GULP1: variants seen among roughly 807,000 people sequenced by gnomAD.
GULP1 encodes the protein GULP PTB domain containing engulfment adaptor 1.
GULP1 carries 19 observed loss-of-function variants against 40.9 expected under a neutral mutation model. That is an observed-to-expected ratio of 0.46 (90% CI 0.32 to 0.68). The LOEUF is 0.68. GULP1 is among the 30% of genes least tolerant of loss of function. The pLI, the probability that GULP1 is intolerant of heterozygous loss-of-function variation, is 0.03. For missense variants in GULP1, 312 were observed against 362.2 expected, an observed-to-expected ratio of 0.86 and a Z score of 1.12; for synonymous variants, 119 against 117.6, an observed-to-expected ratio of 1.01 and a Z score of -0.08.
chr2:188,295,222 A>G (rs1054792343), intron 1 of GULP1, among the ~76,000 whole-genome samples: 1 of 152,200 alleles, frequency 6.6e-6, no homozygotes, highest in African/African-American at 2.4e-5. Context: ...GCTGAAATAT[A>G]TTTATGACAT....
chr2:188,319,739 C>T (rs1574382855), intron 1 of GULP1, among the ~76,000 whole-genome samples: 1 of 152,100 alleles, frequency 6.6e-6, no homozygotes, highest in Non-Finnish European at 1.5e-5. Flanking sequence ...AGCATGACCC[C>T]ATATTGCATT....
At chr2:188,347,010 G>T (rs965988016) in intron 1 of GULP1, among the ~76,000 whole-genome samples, 1 of 151,614 alleles carries the variant, frequency 6.6e-6, no homozygotes, top group Non-Finnish European at 1.5e-5. Flanking sequence ...AGAGTGCATT[G>T]TTCTTTACAG....
At position 188,496,094 on chromosome 2, in the gene GULP1, A is replaced by G. The variant is rs551327632; in HGVS notation, c.90+12602A>G. Among the ~76,000 whole-genome samples, 4 of 152,166 alleles carry G rather than the reference A, an allele frequency of 2.6e-5. No homozygotes were observed. In the South Asian group the frequency reaches 6.2e-4, roughly 24 times the overall value. ...ACCCACTAATGATGATAAGCATGGC[A>G]GCAATGGCTAATTGCTTCCTAGGAG... On this transcript the variant is annotated intron_variant, in intron 4 of 11. Transcript: ENST00000409830.
rs547510227 is a variant in GULP1, at chr2:188,482,937, G to A, written c.29-494G>A. The stretch of plus-strand genomic sequence containing the variant: ...GAACACAGTAAGTTGGTTAATTTCA[G>A]CTTCATACAAATGCAGTTGTTAGTA... On this transcript the variant is annotated intron_variant, in intron 3 of 11. Coordinates refer to ENST00000409830, the MANE Select transcript of GULP1 (RefSeq NM_016315.4). Among the ~76,000 whole-genome samples, 28 of 151,766 alleles carry A rather than the reference G, an allele frequency of 1.8e-4. No homozygotes were observed. The South Asian group carries it at 4.1e-3, about 22-fold the overall frequency.
At chr2:188,487,457 A>C (rs1193385168) in intron 4 of GULP1, among the ~76,000 whole-genome samples, 1 of 151,976 alleles carries the variant, frequency 6.6e-6, no homozygotes, top group Non-Finnish European at 1.5e-5. Context: ...TCTAAAAGTG[A>C]GCAAATGTAA....
chr2:188,358,064 C>T (rs1181808233), intron 1 of GULP1, among the ~76,000 whole-genome samples: 1 of 151,960 alleles, frequency 6.6e-6, no homozygotes. Context: ...GCCTGTAGTC[C>T]CAGGTACTCA....
At chr2:188,551,138 T>G (rs899052589) in intron 7 of GULP1, among the ~76,000 whole-genome samples, 1 of 151,680 alleles carries the variant, frequency 6.6e-6, no homozygotes, top group African/African-American at 2.4e-5. Context: ...ATGGAGTAGA[T>G]GTGAAACATT....
At chr2:188,489,652 A>G (rs1361188828) in intron 4 of GULP1, among the ~76,000 whole-genome samples, 1 of 152,120 alleles carries the variant, frequency 6.6e-6, no homozygotes, top group South Asian at 2.1e-4. Context: ...ATAATTTGGG[A>G]TCTGTTATCA....
At chr2:188,447,789 G>A (rs2058517925) in intron 2 of GULP1, among the ~76,000 whole-genome samples, 1 of 152,158 alleles carries the variant, frequency 6.6e-6, no homozygotes, top group South Asian at 2.1e-4. Context: ...ATTGAAATGA[G>A]GAATTTCAGC....
intron 11 of GULP1, chr2:188,591,392 T>G (rs1310252807): frequency 6.6e-6 from 1 of 152,046 alleles, no homozygotes; most frequent in Non-Finnish European, 1.5e-5. Context: ...TATTAATACT[T>G]TTATTTCTGT....
chr2:188,564,742 C>T (rs1473578366), intron 7 of GULP1, among the ~76,000 whole-genome samples: 1 of 151,748 alleles, frequency 6.6e-6, no homozygotes, highest in Admixed American at 6.6e-5. Flanking sequence ...ATGTAAATTA[C>T]CTAGAACAAA....
chr2:188,311,324 G>A (rs1489483699), intron 1 of GULP1, among the ~76,000 whole-genome samples: 1 of 152,140 alleles, frequency 6.6e-6, no homozygotes, highest in East Asian at 1.9e-4. Flanking sequence ...AGCCTCCCGA[G>A]TAGCTGGGAC....
chr2:188,364,116 G>T (rs148422907), intron 1 of GULP1, among the ~76,000 whole-genome samples: 1 of 152,144 alleles, frequency 6.6e-6, no homozygotes, highest in East Asian at 1.9e-4. Flanking sequence ...ATCATTTGCT[G>T]TAGGTAAATA....
intron 1 of GULP1, among the ~76,000 whole-genome samples, chr2:188,293,539 C>T (rs1483154421): frequency 1.3e-5 from 2 of 152,286 alleles, no homozygotes; most frequent in East Asian, 3.9e-4. Context: ...AAGTGGAAAA[C>T]TTTCAGAGGA....
chr2:188,461,097 T>C (rs1036596699), intron 2 of GULP1, among the ~76,000 whole-genome samples: 12 of 152,160 alleles, frequency 7.9e-5, no homozygotes, highest in African/African-American at 2.9e-4. Context: ...TATAGTTTTT[T>C]ATTTTCTATT....
chr2:188,438,487 CAAT>C (rs1379227899), intron 2 of GULP1, among the ~76,000 whole-genome samples: 4 of 150,588 alleles, frequency 2.7e-5, no homozygotes, highest in African/African-American at 4.9e-5. Context: ...ATTAACATAA[CAAT>C]TATTAATATA....
At chr2:188,580,647 A>C (rs1392552801) in intron 9 of GULP1, among the ~76,000 whole-genome samples, 2 of 152,162 alleles carry the variant, frequency 1.3e-5, no homozygotes, top group Admixed American at 6.5e-5. Context: ...AACTCAGACT[A>C]GCAGAGGTTC....
At chr2:188,354,792 T>C (rs1259836361) in intron 1 of GULP1, among the ~76,000 whole-genome samples, 4 of 152,248 alleles carry the variant, frequency 2.6e-5, no homozygotes, top group African/African-American at 9.6e-5. Context: ...ATAGATCATA[T>C]GTTAGATGAA....
At chr2:188,327,334 T>C (rs1228229483) in intron 1 of GULP1, among the ~76,000 whole-genome samples, 1 of 152,180 alleles carries the variant, frequency 6.6e-6, no homozygotes, top group Non-Finnish European at 1.5e-5. Context: ...TGGCAATAGA[T>C]GGACAAGGCT....
Sources: gnomAD v4.1 joint callset for allele counts (sites outside exome capture counted in the v4.1 genomes callset) on GRCh38, gnomAD v4.1.1 for gene constraint, MANE v1.5 for transcripts, NCBI Gene and HGNC (gene_info 2026-07-23, HGNC 2026-07-21) for gene names.